The following COL5A1 variants were observed in gnomAD, a reference collection of about 807,000 sequenced individuals.
COL5A1 encodes collagen alpha-1(V) chain.
A neutral mutation model predicts 263.7 loss-of-function variants in COL5A1; 16 were observed. That is an observed-to-expected ratio of 0.06 (90% CI 0.04 to 0.09). COL5A1 has a LOEUF of 0.09. Ranked by LOEUF, COL5A1 falls within the 10% of genes least tolerant of loss-of-function variation. The probability of loss-of-function intolerance (pLI) is 1.00; values close to 1 mark genes in which losing one functional copy is unlikely to be tolerated. For missense variants in COL5A1, 2,036 were observed against 2,540.5 expected (o/e 0.80, Z 4.27); for synonymous variants, 1,012 against 1,004.5 (o/e 1.01, Z -0.14).
chr9:134,763,535 C>T (rs902316709), intron 19 of COL5A1, among the ~76,000 whole-genome samples, 158 bp from the exon 20 acceptor site: 3 of 152,228 alleles, frequency 2.0e-5, no homozygotes, highest in South Asian at 2.1e-4. Context: ...TTGCTGGGAG[C>T]GAGGACATTC....
intron 63 of COL5A1, 42 bp from the exon 64 acceptor site, chr9:134,829,934 G>C: frequency 6.3e-7 from 1 of 1,593,276 alleles, no homozygotes; most frequent in Non-Finnish European, 8.6e-7. Flanking sequence ...TAACCCTTTT[G>C]TTCTGTTTCT....
chr9:134,770,421 G>A (rs148897331), intron 25 of COL5A1, among the ~76,000 whole-genome samples: 234 of 152,264 alleles, frequency 1.5e-3, no homozygotes, highest in African/African-American at 5.2e-3. Context: ...GGTATCACAC[G>A]CTGGGGAAAT....
At chr9:134,732,754 TG>T (rs995697318) in intron 9 of COL5A1, 2 of 168,162 alleles carry the variant, frequency 1.2e-5, no homozygotes, top group African/African-American at 4.8e-5. Context: ...CCCTCAAGCG[TG>T]GGACTGTAGC....
chr9:134,667,795 G>T (rs911447565), intron 1 of COL5A1, among the ~76,000 whole-genome samples: 1 of 152,200 alleles, frequency 6.6e-6, no homozygotes, highest in African/African-American at 2.4e-5. Context: ...AGGACAGGGG[G>T]CTCTGTGGAG....
chr9:134,832,640 C>G (rs1344881757), intron 64 of COL5A1: 1 of 152,258 alleles, frequency 6.6e-6, no homozygotes, highest in Non-Finnish European at 1.5e-5. Flanking sequence ...CCCACCGCCG[C>G]TCCCTGTGGT....
intron 4 of COL5A1, among the ~76,000 whole-genome samples, chr9:134,720,344 A>G (rs1834407520): frequency 6.6e-6 from 1 of 152,196 alleles, no homozygotes; most frequent in African/African-American, 2.4e-5. Flanking sequence ...CCAGGCCGCC[A>G]GCACCTCCCG....
chr9:134,661,344 C>G lies in COL5A1; in HGVS notation c.109+19048C>G, dbSNP rs11103459. 6.6e-3 allele frequency among the ~76,000 whole-genome samples: 994 copies of G among 151,624 alleles called. 4 individuals carry two copies. The highest frequency in any genetic ancestry group is 0.038 in the Middle Eastern group (11 of 292). On this transcript the variant is annotated intron_variant, in intron 1 of 65. Coordinates refer to ENST00000371817, the MANE Select transcript of COL5A1 (RefSeq NM_000093.5). ...GCTTCACACAGCTGTTTGCACCACC[C>G]CAGATCTTTCAAGGGGTCCCCAAGC... is the stretch of plus-strand genomic sequence containing the variant.
chr9:134,774,296 A>G lies in COL5A1; in HGVS notation c.2332-563A>G, dbSNP rs546306847. Among the ~76,000 whole-genome samples, 8 of 152,218 alleles carry G rather than the reference A, an allele frequency of 5.3e-5. No individual in the cohort carries two copies. The East Asian group carries it at 1.5e-3, about 29-fold the overall frequency. On this transcript the variant is annotated intron_variant, in intron 26 of 65. Transcript: ENST00000371817. Reference sequence around the variant, plus strand: ...GAGCTCCAGCCGCTGCCGTGACACCATGTGGAAAGGGGGCTGGGAGGGAGG... The same window carrying G: ...GAGCTCCAGCCGCTGCCGTGACACCGTGTGGAAAGGGGGCTGGGAGGGAGG...
In COL5A1 at chr9:134,757,378, C is replaced by T. The variant is rs1480540643; in HGVS notation, c.1881+560C>T. Among the ~76,000 whole-genome samples the T allele has an allele frequency of 2.6e-5, 4 of 152,164 alleles. No individual in the cohort carries two copies. Among genetic ancestry groups the T allele is most frequent in the Non-Finnish European group, 5.9e-5 (4 of 68,028 alleles). The stretch of plus-strand genomic sequence containing the variant: ...GGTCTTGGCTCACCCCTCCTCCTCG[C>T]CTCTTGGAAGCATTTGTCCCAGGCC... On this transcript the variant is annotated intron_variant, in intron 17 of 65. Transcript: ENST00000371817. This position sits in a 1 kb window ranked among gnomAD's most constrained non-coding sequence, Gnocchi z 6.2.
Position 134,796,248 on chromosome 9 carries a change from G to C in COL5A1, c.2800-126G>C, listed in dbSNP as rs1037492557. The C allele has an allele frequency of 2.9e-6, 3 of 1,047,194 alleles. No individual in the cohort carries two copies. In the African/African-American group the frequency reaches 4.7e-5, roughly 16 times the overall value. The allele number at this position is 1,047,194 out of a possible 1,614,324, so 64.9% of individuals were successfully genotyped here. Reference sequence around the variant, plus strand: ...GCCTTCTGCCCCTTACTGAGGGTCAGGGCCACCTTCAGGGGTGCACACAGG... The same window carrying C: ...GCCTTCTGCCCCTTACTGAGGGTCACGGCCACCTTCAGGGGTGCACACAGG... On this transcript the variant is annotated intron_variant, in intron 34 of 65. Coordinates refer to ENST00000371817, the MANE Select transcript of COL5A1 (RefSeq NM_000093.5).
intron 4 of COL5A1, among the ~76,000 whole-genome samples, chr9:134,725,560 C>T (rs1834617760): frequency 6.6e-6 from 1 of 152,212 alleles, no homozygotes; most frequent in South Asian, 2.1e-4. Context: ...ATGAGACCTG[C>T]ATTTCTTATT....
At chr9:134,688,922 T>TC (rs1833172641) in intron 1 of COL5A1, among the ~76,000 whole-genome samples, 1 of 152,024 alleles carries the variant, frequency 6.6e-6, no homozygotes, top group African/African-American at 2.4e-5. Flanking sequence ...TCCACCCTGG[T>TC]CTCCTTCAGA....
intron 4 of COL5A1, among the ~76,000 whole-genome samples, chr9:134,702,163 G>A (rs1833699008): frequency 6.6e-6 from 1 of 152,200 alleles, no homozygotes; most frequent in African/African-American, 2.4e-5. Flanking sequence ...TCCGCGGCTT[G>A]GGTTAGGCGG....
At chr9:134,782,603 A>T in intron 28 of COL5A1, 64 bp from the exon 29 acceptor site, 1 of 1,488,508 alleles carries the variant, frequency 6.7e-7, no homozygotes, top group Non-Finnish European at 9.4e-7. Context: ...TGGAGCGGGG[A>T]AGGGACCGCC....
rs994223917 is a variant in COL5A1, at chr9:134,741,120, C to T, written c.1494+2312C>T. ...TGATGTCCAGATCTTGCTCGATGCCCGCTAATCAGCTGTGAAAGATCACTG... is the reference window on the plus strand; with the variant it reads ...TGATGTCCAGATCTTGCTCGATGCCTGCTAATCAGCTGTGAAAGATCACTG... On this transcript the variant is annotated intron_variant, in intron 11 of 65. Transcript: ENST00000371817. The surrounding 1 kb of genome is among the most constrained non-coding windows in gnomAD (Gnocchi z 4.5). Among the ~76,000 whole-genome samples the T allele has an allele frequency of 1.3e-5, 2 of 152,174 alleles. No individual in the cohort carries two copies. The highest frequency in any genetic ancestry group is 4.8e-5 in the African/African-American group (2 of 41,442).
rs1185280613 is a variant in COL5A1, at chr9:134,758,944, A to G, written c.1935+648A>G. On this transcript the variant is annotated intron_variant, in intron 18 of 65. Transcript: ENST00000371817. This position sits in a 1 kb window ranked among gnomAD's most constrained non-coding sequence, Gnocchi z 4.1. ...CCCCTCGAATCTTGAATCTGTCTCA[A>G]TAGACTGTGGTCTTCTTTCAATAAC... Among the ~76,000 whole-genome samples, 1 of 152,142 alleles carries G rather than the reference A, an allele frequency of 6.6e-6. No homozygotes were observed. Among genetic ancestry groups the G allele is most frequent in the Non-Finnish European group, 1.5e-5 (1 of 68,024 alleles).
intron 63 of COL5A1, 22 bp downstream of exon 63, chr9:134,825,926 T>C (rs767143554): frequency 1.3e-5 from 20 of 1,540,992 alleles, no homozygotes; most frequent in Non-Finnish European, 1.7e-5. Flanking sequence ...TGTCCCTCCA[T>C]GGCCCCAGCG....
In COL5A1 at chr9:134,789,196, G is replaced by A; in HGVS notation, c.2688G>A (p.Glu896=). 6.2e-7 allele frequency: 1 copy of A among 1,613,002 alleles called. No individual in the cohort carries two copies. Among genetic ancestry groups the A allele is most frequent in the South Asian group, 1.1e-5 (1 of 91,032 alleles). The change falls in exon 32 of 66, where the codon GAG becomes GAA. Residue 896 remains glutamate (E), a synonymous_variant. Coordinates refer to ENST00000371817, the MANE Select transcript of COL5A1 (RefSeq NM_000093.5). The surrounding 1 kb of genome is among the most constrained non-coding windows in gnomAD (Gnocchi z 4.8). ...CTGGATTTCCTGGCGCCAATGGAGAGAAGGGCGGCAGGGTAAGGATAGCCT... is the reference window on the plus strand; with the variant it reads ...CTGGATTTCCTGGCGCCAATGGAGAAAAGGGCGGCAGGGTAAGGATAGCCT... ...GFPGFPGANG[E]KGGRGTPGKP... is the part of the protein sequence containing the mutation.
intron 36 of COL5A1, among the ~76,000 whole-genome samples, chr9:134,797,875 G>T (rs1837969238): frequency 6.6e-6 from 1 of 152,324 alleles, no homozygotes; most frequent in Non-Finnish European, 1.5e-5. Context: ...AGTTACACTG[G>T]CAAAAACCCC....
Sources: allele counts gnomAD v4.1 joint callset (sites outside exome capture counted in the v4.1 genomes callset), GRCh38; gene constraint gnomAD v4.1.1; non-coding constraint Gnocchi (gnomAD v3.1); transcripts MANE v1.5; gene names NCBI Gene and HGNC (gene_info 2026-07-23, HGNC 2026-07-21).